Variants in PBX3 observed in about 807,000 individuals in gnomAD.
PBX3 encodes the protein pre-B-cell leukemia transcription factor 3.
A neutral mutation model predicts 48.5 loss-of-function variants in PBX3; 14 were observed. That is an observed-to-expected ratio of 0.29 (90% CI 0.19 to 0.45). PBX3 has a LOEUF of 0.45. PBX3 is among the 20% of genes least tolerant of loss of function. PBX3 has a pLI of 1.00. For missense variants in PBX3, 386 were observed against 546.7 expected, an observed-to-expected ratio of 0.71 and a Z score of 2.93; for synonymous variants, 210 against 200.3, an observed-to-expected ratio of 1.05 and a Z score of -0.41.
At chr9:125,903,492 G>C (rs1392215130) in intron 2 of PBX3, among the ~76,000 whole-genome samples, 1 of 151,688 alleles carries the variant, frequency 6.6e-6, no homozygotes, top group Non-Finnish European at 1.5e-5. Flanking sequence ...TTGAATTAGT[G>C]GTTGCCCATT....
At chr9:125,892,080 C>T (rs566891726) in intron 2 of PBX3, among the ~76,000 whole-genome samples, 213 of 152,104 alleles carry the variant, frequency 1.4e-3, no homozygotes, top group African/African-American at 4.0e-3. Flanking sequence ...CCACCATGCC[C>T]GGCTAATTTT....
At chr9:125,935,680 TATC>T (rs991018589) in intron 5 of PBX3, 73 bp downstream of exon 5, 2 of 1,356,562 alleles carry the variant, frequency 1.5e-6, no homozygotes, top group Non-Finnish European at 2.0e-6. Context: ...AGGGCATTAT[TATC>T]AAATTTCATA....
At chr9:125,824,537 A>G (rs554608742) in intron 2 of PBX3, among the ~76,000 whole-genome samples, 1 of 152,340 alleles carries the variant, frequency 6.6e-6, no homozygotes, top group East Asian at 1.9e-4. Context: ...AAAGGACAAG[A>G]TAACTCTAGT....
chr9:125,831,991 C>T (rs1838974416), intron 2 of PBX3, among the ~76,000 whole-genome samples: 2 of 152,100 alleles, frequency 1.3e-5, no homozygotes, highest in African/African-American at 2.4e-5. Context: ...CTTATTGCTA[C>T]TGGGTTGTTT....
Position 125,845,531 on chromosome 9 carries a change from CAG to C in PBX3, c.275-70153_275-70152del, listed in dbSNP as rs1187442684. 3.9e-5 allele frequency among the ~76,000 whole-genome samples: 6 copies of C among 152,184 alleles called. No homozygotes were observed. The East Asian group carries it at 1.2e-3, about 29-fold the overall frequency. On this transcript the variant is annotated intron_variant, in intron 2 of 8. Coordinates refer to ENST00000373489, the MANE Select transcript of PBX3 (RefSeq NM_006195.6). ...AATGGAAAATCAAATGAACGGCTAA[CAG>C]ATAATTGTTTTATCAATATTCCCTG...
chr9:125,758,520 A>T (rs1836581352), intron 2 of PBX3, among the ~76,000 whole-genome samples: 1 of 152,232 alleles, frequency 6.6e-6, no homozygotes, highest in Non-Finnish European at 1.5e-5. Context: ...AGAAATATAA[A>T]CATTTTCCAA....
chr9:125,852,472 A>T (rs972482270), intron 2 of PBX3, among the ~76,000 whole-genome samples: 1 of 152,164 alleles, frequency 6.6e-6, no homozygotes, highest in Non-Finnish European at 1.5e-5. Flanking sequence ...ACTGATCAGT[A>T]CTAAAGCTGG....
intron 2 of PBX3, among the ~76,000 whole-genome samples, chr9:125,830,259 A>G (rs1032005911): frequency 2.0e-5 from 3 of 152,152 alleles, no homozygotes; most frequent in Non-Finnish European, 4.4e-5. Context: ...TAGATTTGCT[A>G]TTAGTTATAT....
chr9:125,794,751 CAG>C (rs1298563597), intron 2 of PBX3, among the ~76,000 whole-genome samples: 1 of 147,736 alleles, frequency 6.8e-6, no homozygotes, highest in Non-Finnish European at 1.5e-5. Context: ...AATAAAAACT[CAG>C]AGTCCTCCTC....
chr9:125,816,667 A>G (rs1044133656), intron 2 of PBX3, among the ~76,000 whole-genome samples: 1 of 152,144 alleles, frequency 6.6e-6, no homozygotes, highest in African/African-American at 2.4e-5. Flanking sequence ...CTCAGGGTTC[A>G]GTTCTCTTTA....
intron 5 of PBX3, among the ~76,000 whole-genome samples, chr9:125,942,255 T>C (rs1053345219): frequency 1.4e-4 from 21 of 152,164 alleles, no homozygotes; most frequent in African/African-American, 4.8e-4. Context: ...TTACTTTTTT[T>C]CTTGCAAGAG....
chr9:125,915,208 T>G (rs1564171340), intron 2 of PBX3, among the ~76,000 whole-genome samples: 1 of 152,212 alleles, frequency 6.6e-6, no homozygotes, highest in Non-Finnish European at 1.5e-5. Flanking sequence ...TGATTACAGC[T>G]TGTGAATTAA....
intron 2 of PBX3, among the ~76,000 whole-genome samples, chr9:125,886,668 T>C (rs1026082133): frequency 6.6e-6 from 1 of 152,174 alleles, no homozygotes; most frequent in Non-Finnish European, 1.5e-5. Flanking sequence ...TTTTTCCCTT[T>C]TCTCATTAAG....
intron 2 of PBX3, among the ~76,000 whole-genome samples, chr9:125,899,131 G>A (rs1257512277): frequency 6.7e-6 from 1 of 149,190 alleles, no homozygotes; most frequent in Non-Finnish European, 1.5e-5. Flanking sequence ...TGAGATGATA[G>A]TCTTTTATGT....
In PBX3 at chr9:125,915,756, T is replaced by G; in HGVS notation, c.345T>G (p.Leu115=). ...AGCTAATGAGACTGGACAATATGCT[T>G]TTGGCAGAAGGGGTTTCAGGTCCTG... is the stretch of plus-strand genomic sequence containing the variant. ...DPQLMRLDNM[L]LAEGVSGPEK... The change falls in exon 3 of 9, where the codon CTT becomes CTG. Residue 115 remains leucine (L), a synonymous_variant. Transcript: ENST00000373489. 5 of 1,614,042 alleles carry G rather than the reference T, an allele frequency of 3.1e-6. No individual in the cohort carries two copies. Among genetic ancestry groups the G allele is most frequent in the Non-Finnish European group, 3.4e-6 (4 of 1,179,992 alleles).
At chr9:125,757,371 ATTT>A (rs561224033) in intron 2 of PBX3, among the ~76,000 whole-genome samples, 217 of 152,052 alleles carry the variant, frequency 1.4e-3, no homozygotes, top group Non-Finnish European at 2.6e-3. Flanking sequence ...CAGGAAATTG[ATTT>A]TATATTTATT....
intron 2 of PBX3, among the ~76,000 whole-genome samples, chr9:125,827,989 T>C (rs993994327): frequency 6.6e-6 from 1 of 152,180 alleles, no homozygotes; most frequent in East Asian, 1.9e-4. Flanking sequence ...GATCAGAAAC[T>C]AAATTCATCT....
At chr9:125,752,908 T>C (rs985051974) in intron 2 of PBX3, among the ~76,000 whole-genome samples, 4 of 152,238 alleles carry the variant, frequency 2.6e-5, no homozygotes, top group African/African-American at 9.6e-5. Context: ...TTCCTTTTTG[T>C]GTTTTCATGA....
chr9:125,747,595 G>A lies in PBX3; in HGVS notation c.142G>A (p.Asp48Asn), dbSNP rs776674550. Residue 48 changes from aspartate (D) to asparagine (N), a missense_variant, in exon 1 of 9, where the codon GAC becomes AAC. Physicochemically the swap from Asp to Asn is conservative, Grantham distance 23. Around this residue, in one of 4 missense-constraint regions of PBX3, gnomAD observed 116 missense variants for 98.2 expected, o/e 1.18. Transcript: ENST00000373489. ...DGDGRKQDIG[D>N]ILHQIMTITD... ...CGACGGCAGGAAGCAGGACATCGGC[G>A]ACATCCTCCACCAGATCATGACCAT... The A allele has an allele frequency of 1.2e-6, 2 of 1,608,072 alleles. No homozygotes were observed. Among genetic ancestry groups the A allele is most frequent in the South Asian group, 1.1e-5 (1 of 90,576 alleles).
Sources: gnomAD v4.1 joint callset for allele counts (sites outside exome capture counted in the v4.1 genomes callset) on GRCh38, gnomAD v4.1.1 for gene constraint, gnomAD v4.1.1 regional missense constraint, MANE v1.5 for transcripts, NCBI Gene and HGNC (gene_info 2026-07-23, HGNC 2026-07-21) for gene names.